Variants in VILL observed in about 807,000 individuals in gnomAD.
VILL encodes the protein villin like, also known as villin-like protein.
VILL carries 102 observed loss-of-function variants against 106.3 expected under a neutral mutation model. The ratio of observed to expected loss-of-function variants is 0.96; its 90% CI spans 0.82 to 1.13. The LOEUF is 1.13. VILL is among the 50% of genes most tolerant of loss of function. The probability of loss-of-function intolerance (pLI) is 0.00; values close to 1 mark genes in which losing one functional copy is unlikely to be tolerated. For missense variants in VILL, 1,076 were observed against 1,116.6 expected (o/e 0.96, Z 0.52); for synonymous variants, 431 against 440.3 (o/e 0.98, Z 0.27).
intron 14 of VILL, chr3:38,002,927 C>T: frequency 3.7e-6 from 2 of 547,706 alleles, no homozygotes; most frequent in Admixed American, 6.8e-5. Context: ...CCCTCTAAGC[C>T]TGGGGGCCTC....
chr3:38,001,435 C>T (rs1699813967), intron 11 of VILL, 21 bp from the exon 12 acceptor site: 2 of 1,612,278 alleles, frequency 1.2e-6, no homozygotes, highest in Non-Finnish European at 1.7e-6. Context: ...CACCTGTGCC[C>T]ATTGGTCCCT....
chr3:37,992,962 G>A (rs1699631297), intron 1 of VILL, among the ~76,000 whole-genome samples: 1 of 152,228 alleles, frequency 6.6e-6, no homozygotes, highest in Non-Finnish European at 1.5e-5. Context: ...AGTGGAGGGG[G>A]AGGAGGGAAG....
intron 4 of VILL, among the ~76,000 whole-genome samples, chr3:37,994,717 A>G (rs1699671557): frequency 1.3e-5 from 2 of 152,214 alleles, no homozygotes; most frequent in Admixed American, 1.3e-4. Flanking sequence ...CCTAAAAAGA[A>G]GCCCCATACC....
intron 11 of VILL, chr3:38,000,998 G>T (rs1388267773): frequency 4.4e-6 from 2 of 459,094 alleles, no homozygotes; most frequent in East Asian, 1.4e-4. Context: ...TACACTGACA[G>T]ATGTGAGACA....
rs373214584 is a variant in VILL at position 38,006,261 on chromosome 3, T to G, written c.2205+9T>G. The stretch of plus-strand genomic sequence containing the variant: ...TCTCTGAGATAACAGCAGTGAGTCC[T>G]GGGGCCCCTAGCCTTCCCCACAGTG... On this transcript the variant is annotated intron_variant, in intron 18 of 19. Coordinates refer to ENST00000383759, the MANE Select transcript of VILL (RefSeq NM_015873.4). The G allele has an allele frequency of 1.7e-4, 280 of 1,614,006 alleles. 1 individual carries two copies. Among genetic ancestry groups the G allele is most frequent in the Non-Finnish European group, 1.8e-4 (211 of 1,180,032 alleles).
intron 4 of VILL, among the ~76,000 whole-genome samples, chr3:37,995,194 G>A (rs1699678743): frequency 6.6e-6 from 1 of 152,156 alleles, no homozygotes; most frequent in Admixed American, 6.5e-5. Flanking sequence ...TTGCTTCACA[G>A]GTGTTTTAAA....
chr3:38,006,423 C>T, intron 18 of VILL, 26 bp from the exon 19 acceptor site: 1 of 1,582,070 alleles, frequency 6.3e-7, no homozygotes, highest in Non-Finnish European at 8.6e-7. Flanking sequence ...CCCATCTTCC[C>T]CAGCCTGAGG....
At chr3:37,999,965 A>T (rs1699783401) in intron 11 of VILL, among the ~76,000 whole-genome samples, 1 of 152,242 alleles carries the variant, frequency 6.6e-6, no homozygotes, top group South Asian at 2.1e-4. Context: ...GTCTCAGCCC[A>T]GTGTCCTGCG....
In VILL at chr3:38,005,832, AGGCGGTGGCCTGGGGC is replaced by A; in HGVS notation, c.1992_2007del (p.Glu664AspfsTer5). 6.2e-7 allele frequency: 1 copy of A among 1,613,574 alleles called. No individual in the cohort carries two copies. The highest frequency in any genetic ancestry group is 8.5e-7 in the Non-Finnish European group (1 of 1,179,780). On this transcript the variant is annotated frameshift_variant, in exon 17 of 20. Coordinates refer to ENST00000383759, the MANE Select transcript of VILL (RefSeq NM_015873.4). LOFTEE classifies it high-confidence loss of function. The stretch of plus-strand genomic sequence containing the variant: ...GGGGAAGCTGCAAGTGAGTGGAAGG[AGGCGGTGGCCTGGGGC>A]CAGGAGTACCTGAAGACTCACCCAG...
chr3:37,999,736 A>G (rs1699780132), intron 11 of VILL, among the ~76,000 whole-genome samples: 1 of 152,230 alleles, frequency 6.6e-6, no homozygotes, highest in African/African-American at 2.4e-5. Flanking sequence ...ATGCTTATAC[A>G]GACACACATA....
Position 37,995,793 on chromosome 3 carries a change from C to T in VILL, c.396C>T (p.Phe132=), listed in dbSNP as rs200641927. Residue 132 remains phenylalanine (F), a synonymous_variant, in exon 5 of 20, where the codon TTC becomes TTT. Transcript: ENST00000383759. ...TCAAGCATGTGGAGACCAACTTGTTCAACATCCAGCGACTGCTGCACATCA... is the reference window on the plus strand; with the variant it reads ...TCAAGCATGTGGAGACCAACTTGTTTAACATCCAGCGACTGCTGCACATCA... ...SDLKHVETNL[F]NIQRLLHIKG... 2.0e-5 allele frequency: 32 copies of T among 1,613,974 alleles called. No individual in the cohort carries two copies. The African/African-American group carries it at 3.5e-4, about 17-fold the overall frequency.
At position 37,994,452 on chromosome 3, in the gene VILL, C is replaced by A; in HGVS notation, c.327C>A (p.Phe109Leu). The change falls in exon 4 of 20, where the codon TTC becomes TTA. Residue 109 changes from phenylalanine (F) to leucine (L), a missense_variant. Coordinates refer to ENST00000383759, the MANE Select transcript of VILL (RefSeq NM_015873.4). ...GHESDCFCSYFRPGIIYRKGG... is the reference protein window; with the variant it reads ...GHESDCFCSYLRPGIIYRKGG... ...AGTCCGACTGCTTCTGCAGCTACTT[C>A]CGCCCGGGAATCATGTGAGTGCGGG... The A allele has an allele frequency of 6.2e-7, 1 of 1,612,470 alleles. No homozygotes were observed. Among genetic ancestry groups the A allele is most frequent in the Non-Finnish European group, 8.5e-7 (1 of 1,179,804 alleles).
chr3:38,004,187 G>C (rs926533777), intron 15 of VILL, 68 bp from the exon 16 acceptor site: 12 of 1,550,028 alleles, frequency 7.7e-6, no homozygotes, highest in African/African-American at 1.4e-5. Flanking sequence ...CCCTGGGGTG[G>C]GGCACTTGTG....
In VILL at chr3:38,006,654, A is replaced by G. The variant is rs1009262334; in HGVS notation, c.2411A>G (p.Gln804Arg). ...GGLRREQLMHQAVEDLPEGVD... is the reference protein window; with the variant it reads ...GGLRREQLMHRAVEDLPEGVD... Reference sequence around the variant, plus strand: ...CTGCGCCGGGAACAACTGATGCACCAGGCTGTTGAGGACCTGCCAGAGGGC... The same window carrying G: ...CTGCGCCGGGAACAACTGATGCACCGGGCTGTTGAGGACCTGCCAGAGGGC... The change falls in exon 19 of 20, where the codon CAG (glutamine) becomes CGG (arginine). Residue 804 changes from glutamine (Q) to arginine (R), a missense_variant. Gln to Arg is a conservative substitution (Grantham distance 43). Coordinates refer to ENST00000383759, the MANE Select transcript of VILL (RefSeq NM_015873.4). 6.2e-7 allele frequency: 1 copy of G among 1,613,408 alleles called. No individual in the cohort carries two copies. Among genetic ancestry groups the G allele is most frequent in the Non-Finnish European group, 8.5e-7 (1 of 1,179,926 alleles).
chr3:37,989,320 C>T (rs932108955), upstream of VILL, among the ~76,000 whole-genome samples: 1 of 152,074 alleles, frequency 6.6e-6, no homozygotes, highest in African/African-American at 2.4e-5. Context: ...AGACTTAGGC[C>T]GGGGCAAGGT....
chr3:38,003,004 C>G, intron 14 of VILL, 164 bp from the exon 15 acceptor site: 2 of 887,820 alleles, frequency 2.3e-6, no homozygotes, highest in Non-Finnish European at 3.3e-6. Context: ...GGGACACAGG[C>G]CTGTAGGGTG....
intron 14 of VILL, chr3:38,002,873 G>A (rs1025362951): frequency 1.9e-6 from 1 of 528,732 alleles, no homozygotes; most frequent in Admixed American, 3.5e-5. Context: ...GCCTATGCCA[G>A]TTTGCTGGAG....
chr3:38,001,424 C>T (rs372096298), intron 11 of VILL, 32 bp from the exon 12 acceptor site: 24 of 1,609,286 alleles, frequency 1.5e-5, no homozygotes, highest in Middle Eastern at 1.7e-4. Flanking sequence ...GGAAGAGCAG[C>T]CACCTGTGCC....
rs879533008 is a variant in VILL at position 37,997,368 on chromosome 3, A to C, written c.562-115A>C. 4.3e-5 allele frequency: 53 copies of C among 1,231,990 alleles called. No individual in the cohort carries two copies. Among genetic ancestry groups the C allele is most frequent in the Non-Finnish European group, 5.8e-5 (50 of 869,088 alleles). 76.3% of individuals were successfully genotyped at this position (1,231,990 alleles called of 1,614,324 possible). ...TGGTGTCCCCCTGGATGCCAGGATG[A>C]GGGGACATCAGCCCTTCTCCCCATC... On this transcript the variant is annotated intron_variant, in intron 6 of 19. Coordinates refer to ENST00000383759, the MANE Select transcript of VILL (RefSeq NM_015873.4). This position sits in a 1 kb window ranked among gnomAD's most constrained non-coding sequence, Gnocchi z 4.7.
Sources: gnomAD v4.1 joint callset for allele counts (sites outside exome capture counted in the v4.1 genomes callset) on GRCh38, gnomAD v4.1.1 for gene constraint, Gnocchi (gnomAD v3.1) non-coding constraint, MANE v1.5 for transcripts, NCBI Gene and HGNC (gene_info 2026-07-23, HGNC 2026-07-21) for gene names.